The following CSMD1 variants were observed in gnomAD, a reference collection of about 807,000 sequenced individuals.
CSMD1 encodes the protein CUB and Sushi multiple domains 1, also known as CUB and sushi domain-containing protein 1.
In CSMD1, 213 loss-of-function variants were observed where a neutral mutation model predicts 417.5. That is an observed-to-expected ratio of 0.51 (90% CI 0.46 to 0.57). CSMD1 has a LOEUF of 0.57. Among genes scored for constraint, CSMD1 ranks in the 20% least tolerant of loss-of-function variants. The pLI, the probability that CSMD1 is intolerant of heterozygous loss-of-function variation, is 0.00. For missense variants in CSMD1, 6,923 were observed against 4,529.7 expected (o/e 1.53, Z -15.17); for synonymous variants, 2,862 against 1,736.8 (o/e 1.65, Z -16.11).
intron 3 of CSMD1, among the ~76,000 whole-genome samples, chr8:4,257,107 ACT>A (rs988848572): frequency 6.6e-6 from 1 of 152,050 alleles, no homozygotes; most frequent in African/African-American, 2.4e-5. Context: ...CACTCGCCAT[ACT>A]CTATATGAGT....
At chr8:4,936,473 G>A (rs4422795) in intron 1 of CSMD1, among the ~76,000 whole-genome samples, 129,784 of 152,180 alleles carry the variant, frequency 0.85, 57,144 homozygotes, top group Non-Finnish European at 0.96. Flanking sequence ...TTATTTCAAG[G>A]CTTTAAAACT....
At chr8:4,025,585 A>T (rs1419792613) in intron 4 of CSMD1, among the ~76,000 whole-genome samples, 1 of 152,194 alleles carries the variant, frequency 6.6e-6, no homozygotes, top group African/African-American at 2.4e-5. Flanking sequence ...GTAAGAAGTG[A>T]AACAGTAAAT....
At chr8:4,264,340 A>T (rs779104) in intron 3 of CSMD1, among the ~76,000 whole-genome samples, 2 of 152,178 alleles carry the variant, frequency 1.3e-5, no homozygotes, top group East Asian at 1.9e-4. Flanking sequence ...AAAAATACTC[A>T]TTCAGAATAA....
At chr8:3,983,135 C>CTTTTTTTTT (rs201667296) in intron 5 of CSMD1, among the ~76,000 whole-genome samples, 26,179 of 131,940 alleles carry the variant, frequency 0.2, 2,991 homozygotes, top group Non-Finnish European at 0.24. Flanking sequence ...ATCTTTCTTT[C>CTTTTTTTTT]TTTTTTTTTT....
At chr8:4,575,438 G>A (rs1799092233) in intron 2 of CSMD1, among the ~76,000 whole-genome samples, 1 of 151,930 alleles carries the variant, frequency 6.6e-6, no homozygotes, top group African/African-American at 2.4e-5. Flanking sequence ...TATTGTCTGT[G>A]TAACATCCGG....
intron 1 of CSMD1, among the ~76,000 whole-genome samples, chr8:4,917,824 G>A (rs1806173715): frequency 1.3e-5 from 2 of 151,834 alleles, no homozygotes; most frequent in Non-Finnish European, 2.9e-5. Flanking sequence ...GTGTGGCAGT[G>A]GTTCAGATGG....
rs904445458 is a variant in CSMD1 at position 3,481,162 on chromosome 8, A to G, written c.1449-12338T>C. On this transcript the variant is annotated intron_variant, in intron 11 of 69. Transcript: ENST00000635120. ...AGAGCGAGACTCCATCTCAAAAAAA[A>G]AAAAAAAAAAAAAAAAACCAGAGTA... 1.7e-4 allele frequency among the ~76,000 whole-genome samples: 25 copies of G among 149,838 alleles called. 1 individual carries two copies. In the South Asian group the frequency reaches 5.1e-3, roughly 31 times the overall value.
intron 6 of CSMD1, among the ~76,000 whole-genome samples, chr8:3,739,398 G>T (rs1563328050): frequency 6.6e-6 from 1 of 152,188 alleles, no homozygotes; most frequent in Non-Finnish European, 1.5e-5. Context: ...TTAGAAGACA[G>T]GATTTAGAAT....
At chr8:3,389,080 C>G (rs373248611) in intron 17 of CSMD1, among the ~76,000 whole-genome samples, 1 of 152,128 alleles carries the variant, frequency 6.6e-6, no homozygotes, top group East Asian at 1.9e-4. Flanking sequence ...TATTTTAAAA[C>G]CCAGTGCTGG....
chr8:4,310,453 G>C (rs4875093), intron 3 of CSMD1, among the ~76,000 whole-genome samples: 96,297 of 152,064 alleles, frequency 0.63, 31,470 homozygotes, highest in East Asian at 0.86. Flanking sequence ...AAGTAGGAAG[G>C]ATGAACAGCA....
intron 25 of CSMD1, among the ~76,000 whole-genome samples, chr8:3,295,420 C>G (rs62504372): frequency 0.022 from 3,308 of 152,110 alleles, 117 homozygotes; most frequent in African/African-American, 0.074. Context: ...GCCACTGAGC[C>G]CAGCCTCAAT....
At chr8:3,331,588 G>C (rs1454382865) in intron 23 of CSMD1, among the ~76,000 whole-genome samples, 1 of 152,142 alleles carries the variant, frequency 6.6e-6, no homozygotes, top group African/African-American at 2.4e-5. Context: ...CATCTTCAAA[G>C]GGCTACTTTG....
chr8:4,666,188 T>C (rs1804914420), intron 1 of CSMD1, among the ~76,000 whole-genome samples: 2 of 152,194 alleles, frequency 1.3e-5, no homozygotes, highest in Admixed American at 6.5e-5. Context: ...CAAGGATGTC[T>C]AAGTCCTACT....
At chr8:3,510,945 G>C (rs966227216) in intron 10 of CSMD1, among the ~76,000 whole-genome samples, 4 of 151,748 alleles carry the variant, frequency 2.6e-5, no homozygotes, top group Non-Finnish European at 5.9e-5. Flanking sequence ...GTTTACTGCA[G>C]CACTATTCAC....
chr8:3,494,844 G>C (rs556208302), intron 10 of CSMD1, among the ~76,000 whole-genome samples: 8 of 152,152 alleles, frequency 5.3e-5, no homozygotes, highest in Admixed American at 5.2e-4. Context: ...TTCTGAAATA[G>C]CGTAGAAAAG....
At chr8:3,280,282 T>C (rs1802631378) in intron 26 of CSMD1, among the ~76,000 whole-genome samples, 1 of 152,196 alleles carries the variant, frequency 6.6e-6, no homozygotes, top group Non-Finnish European at 1.5e-5. Flanking sequence ...GACAGAAATG[T>C]CCTTAGAAAT....
intron 7 of CSMD1, among the ~76,000 whole-genome samples, chr8:3,635,062 G>A (rs998717826): frequency 6.6e-6 from 1 of 152,066 alleles, no homozygotes; most frequent in African/African-American, 2.4e-5. Context: ...AAAAAAAATG[G>A]GATGCCTATA....
At chr8:4,291,281 T>G (rs1379795967) in intron 3 of CSMD1, among the ~76,000 whole-genome samples, 1 of 152,090 alleles carries the variant, frequency 6.6e-6, no homozygotes, top group Non-Finnish European at 1.5e-5. Context: ...AGGATAAATA[T>G]GGATTAAAAG....
intron 3 of CSMD1, among the ~76,000 whole-genome samples, chr8:4,165,156 G>A (rs1039886119): frequency 3.5e-4 from 53 of 152,236 alleles, no homozygotes; most frequent in African/African-American, 1.3e-3. Flanking sequence ...AGCCTCCACT[G>A]CTTAATATGA....
Sources: gnomAD v4.1 joint callset for allele counts (sites outside exome capture counted in the v4.1 genomes callset) on GRCh38, gnomAD v4.1.1 for gene constraint, MANE v1.5 for transcripts, NCBI Gene and HGNC (gene_info 2026-07-23, HGNC 2026-07-21) for gene names.